The following CDC14B variants were observed in gnomAD, a reference collection of about 807,000 sequenced individuals.
CDC14B encodes dual specificity protein phosphatase CDC14B.
CDC14B carries 22 observed loss-of-function variants against 64.2 expected under a neutral mutation model. That is an observed-to-expected ratio of 0.34 (90% CI 0.24 to 0.49). The LOEUF is 0.49. Among genes scored for constraint, CDC14B ranks in the 20% least tolerant of loss-of-function variants. The probability of loss-of-function intolerance (pLI) is 0.99; values close to 1 mark genes in which losing one functional copy is unlikely to be tolerated. For missense variants in CDC14B, 498 were observed against 629.9 expected (o/e 0.79, Z 2.24); for synonymous variants, 191 against 215.8 (o/e 0.89, Z 1.01).
At chr9:96,496,421 G>C, downstream of CDC14B, 1 of 466,200 alleles carries the variant, frequency 2.1e-6, no homozygotes, top group Non-Finnish European at 4.3e-6. Context: ...CACAGGGCCT[G>C]TCTCAGGGCT....
At chr9:96,581,761 A>T (rs1412803948) in intron 1 of CDC14B, among the ~76,000 whole-genome samples, 1 of 152,098 alleles carries the variant, frequency 6.6e-6, no homozygotes, top group Non-Finnish European at 1.5e-5. Flanking sequence ...TTTCACAGTT[A>T]TGTCCCCCTT....
chr9:96,614,258 C>T (rs533768144), intron 1 of CDC14B, among the ~76,000 whole-genome samples: 2 of 149,878 alleles, frequency 1.3e-5, no homozygotes, highest in Non-Finnish European at 3.0e-5. Flanking sequence ...TTTTTTGAGA[C>T]GGAGTTTCAC....
intron 1 of CDC14B, among the ~76,000 whole-genome samples, chr9:96,616,144 A>C (rs971774975): frequency 1.3e-5 from 2 of 151,704 alleles, no homozygotes; most frequent in Non-Finnish European, 2.9e-5. Flanking sequence ...TGGCCAACAT[A>C]GTGAAACCCC....
chr9:96,543,785 C>T (rs1041183327), intron 5 of CDC14B, among the ~76,000 whole-genome samples: 4 of 152,208 alleles, frequency 2.6e-5, no homozygotes, highest in African/African-American at 9.7e-5. Context: ...GAATGGTACT[C>T]ATTTGCTCCT....
intron 1 of CDC14B, among the ~76,000 whole-genome samples, chr9:96,582,884 T>C (rs892349228): frequency 6.6e-6 from 1 of 152,178 alleles, no homozygotes; most frequent in Non-Finnish European, 1.5e-5. Context: ...TAATTTTATA[T>C]AATGGGCCTG....
At chr9:96,546,036 G>C (rs1840773230) in intron 5 of CDC14B, among the ~76,000 whole-genome samples, 1 of 152,106 alleles carries the variant, frequency 6.6e-6, no homozygotes, top group African/African-American at 2.4e-5. Context: ...AAACACGTAA[G>C]AATCAATAAA....
downstream of CDC14B, among the ~76,000 whole-genome samples, chr9:96,498,864 G>C (rs1833359778): frequency 6.6e-6 from 1 of 152,258 alleles, no homozygotes; most frequent in Non-Finnish European, 1.5e-5. Flanking sequence ...GATGGGCCCT[G>C]GGCCGAGTGG....
chr9:96,524,693 A>G (rs542081913), intron 9 of CDC14B, among the ~76,000 whole-genome samples: 1 of 152,308 alleles, frequency 6.6e-6, no homozygotes, highest in East Asian at 1.9e-4. Flanking sequence ...ACCTGGGCAG[A>G]ACAAAAACCC....
intron 4 of CDC14B, among the ~76,000 whole-genome samples, chr9:96,561,797 T>G (rs1370809728): frequency 6.6e-6 from 1 of 151,976 alleles, no homozygotes; most frequent in Non-Finnish European, 1.5e-5. Flanking sequence ...AAAACAACCC[T>G]TTTTTTCAAG....
Position 96,534,503 on chromosome 9 carries a change from G to A in CDC14B, c.667C>T (p.Arg223Ter). The A allele has an allele frequency of 1.9e-6, 3 of 1,613,444 alleles. No homozygotes were observed. The highest frequency in any genetic ancestry group is 1.1e-5 in the South Asian group (1 of 91,038). Reference protein sequence around the residue: ...NGDLNWIIPDRFIAFCGPHSR... With the variant: ...NGDLNWIIPD ...TGAGGTCCACAGAAGGCAATAAATC[G>A]GTCTGGTATTATCCAATTTAAATCT... Residue 223 changes from arginine (R) to a stop codon, truncating the protein, a stop_gained, in exon 8 of 14, where the codon CGA becomes TGA. Transcript: ENST00000375241. LOFTEE classifies it high-confidence loss of function.
rs1206651865 is a variant in CDC14B at position 96,494,806 on chromosome 9, C to T, written c.*80+1401G>A. ...CGTCCCCTCCCGTCCTGTCCAGTCT[C>T]GTCCCGTCCCATCCCGTCTCCCCTC... is the stretch of plus-strand genomic sequence containing the variant. On this transcript the variant is annotated intron_variant and NMD_transcript_variant, in intron 13 of 13. Transcript: ENST00000474602. Among the ~76,000 whole-genome samples, 6 of 110,202 alleles carry T rather than the reference C, an allele frequency of 5.4e-5. No individual in the cohort carries two copies. In the South Asian group the frequency reaches 1.6e-3, roughly 29 times the overall value. 72.3% of individuals were successfully genotyped at this position (110,202 alleles called of 152,430 possible).
intron 3 of CDC14B, among the ~76,000 whole-genome samples, chr9:96,563,655 GAAAAAAA>G (rs35893039): frequency 6.1e-5 from 5 of 81,618 alleles, no homozygotes; most frequent in Admixed American, 1.4e-4. Flanking sequence ...TGTCTCACGG[GAAAAAAA>G]AAAAAAAAAA....
At chr9:96,617,091 G>A (rs1847677839) in intron 1 of CDC14B, among the ~76,000 whole-genome samples, 1 of 142,400 alleles carries the variant, frequency 7.0e-6, no homozygotes, top group South Asian at 2.4e-4. Context: ...CGTTATTAGG[G>A]CTTGCAATCT....
chr9:96,599,300 G>C (rs1373298826), intron 1 of CDC14B, among the ~76,000 whole-genome samples: 1 of 151,868 alleles, frequency 6.6e-6, no homozygotes, highest in Non-Finnish European at 1.5e-5. Flanking sequence ...AGAATCACTT[G>C]AACCCAGGAG....
At chr9:96,577,626 C>G (rs1844891052) in intron 1 of CDC14B, among the ~76,000 whole-genome samples, 2 of 152,130 alleles carry the variant, frequency 1.3e-5, no homozygotes, top group South Asian at 4.1e-4. Context: ...CAGGCCAGAC[C>G]ACTAATCCAT....
chr9:96,569,662 T>G (rs1162223963), intron 1 of CDC14B, among the ~76,000 whole-genome samples: 2 of 152,178 alleles, frequency 1.3e-5, no homozygotes, highest in African/African-American at 4.8e-5. Context: ...TCTCGCTCTG[T>G]TGCCCAGGCT....
At chr9:96,570,049 T>A (rs904112884) in intron 1 of CDC14B, among the ~76,000 whole-genome samples, 4 of 152,152 alleles carry the variant, frequency 2.6e-5, no homozygotes, top group African/African-American at 9.7e-5. Flanking sequence ...CATCACTACT[T>A]CTTCTTTGAG....
chr9:96,577,245 C>G (rs1030410327), intron 1 of CDC14B, among the ~76,000 whole-genome samples: 27 of 126,036 alleles, frequency 2.1e-4, no homozygotes, highest in African/African-American at 7.9e-4. Flanking sequence ...AGCGAGACTC[C>G]ATCTCAAAAA....
At chr9:96,561,570 C>T (rs1350198154) in intron 4 of CDC14B, among the ~76,000 whole-genome samples, 1 of 152,112 alleles carries the variant, frequency 6.6e-6, no homozygotes, top group African/African-American at 2.4e-5. Context: ...GCTCCACCTC[C>T]CGGGTTCACG....
Sources: gnomAD v4.1 joint callset for allele counts (sites outside exome capture counted in the v4.1 genomes callset) on GRCh38, gnomAD v4.1.1 for gene constraint, MANE v1.5 for transcripts, NCBI Gene and HGNC (gene_info 2026-07-23, HGNC 2026-07-21) for gene names.